Variants in GPC6 observed in about 807,000 individuals in gnomAD.
The protein encoded by GPC6 is glypican 6, also known as glypican-6.
GPC6 carries 14 observed loss-of-function variants against 55.2 expected under a neutral mutation model. The observed-to-expected ratio is 0.25, with a 90% CI of 0.17 to 0.40. The LOEUF (loss-of-function observed/expected upper bound fraction) is 0.40. GPC6 is among the 10% of genes least tolerant of loss of function. The pLI is 1.00. For synonymous variants in GPC6, 278 were observed against 259.6 expected, an observed-to-expected ratio of 1.07 and a Z score of -0.68; for missense variants, 641 against 708.5, an observed-to-expected ratio of 0.90 and a Z score of 1.08.
intron 3 of GPC6, among the ~76,000 whole-genome samples, chr13:93,912,724 C>G (rs997574350): frequency 7.2e-5 from 11 of 152,236 alleles, no homozygotes; most frequent in Admixed American, 5.2e-4. Context: ...GCCTGGGCGA[C>G]AGATAGAGAC....
chr13:93,936,333 G>T (rs991619368), intron 3 of GPC6, among the ~76,000 whole-genome samples: 2 of 152,240 alleles, frequency 1.3e-5, no homozygotes, highest in Middle Eastern at 3.4e-3. Flanking sequence ...GAAAATGCCA[G>T]TTGTGAAGTG....
intron 3 of GPC6, among the ~76,000 whole-genome samples, chr13:93,976,473 A>G (rs1055847471): frequency 5.9e-5 from 9 of 152,080 alleles, no homozygotes; most frequent in East Asian, 2.0e-4. Context: ...CAAATGACTA[A>G]AGAATTAATA....
Position 94,340,010 on chromosome 13 carries a change from G to A in GPC6, c.1152+33887G>A, listed in dbSNP as rs112505180. ...ACTCCCGATCTCAGGTGATCCACCC[G>A]CCTCACCCTCCCAAAGTGCTGGGAT... On this transcript the variant is annotated intron_variant, in intron 6 of 8. Coordinates refer to ENST00000377047, the MANE Select transcript of GPC6 (RefSeq NM_005708.5). Among the ~76,000 whole-genome samples the A allele has an allele frequency of 6.1e-3, 934 of 152,048 alleles. 9 individuals are homozygous for A. The highest frequency in any genetic ancestry group is 0.022 in the African/African-American group (892 of 41,480).
chr13:93,263,326 T>TTTG (rs542911094), intron 1 of GPC6, among the ~76,000 whole-genome samples: 49 of 152,140 alleles, frequency 3.2e-4, no homozygotes, highest in Admixed American at 1.0e-3. Flanking sequence ...CTTGGAGTTT[T>TTTG]TTGTTGTTGT....
chr13:93,280,610 A>G (rs1877918254), intron 1 of GPC6, among the ~76,000 whole-genome samples: 1 of 152,250 alleles, frequency 6.6e-6, no homozygotes, highest in Non-Finnish European at 1.5e-5. Context: ...CTAACAAGGT[A>G]TAGACCATTC....
chr13:93,551,622 GA>G (rs1412566199), intron 2 of GPC6, among the ~76,000 whole-genome samples: 1 of 152,128 alleles, frequency 6.6e-6, no homozygotes, highest in East Asian at 1.9e-4. Context: ...TAAGCCAAAG[GA>G]AATCTCATGG....
intron 2 of GPC6, among the ~76,000 whole-genome samples, chr13:93,815,168 G>GA (rs1886810213): frequency 6.6e-6 from 1 of 151,662 alleles, no homozygotes; most frequent in Non-Finnish European, 1.5e-5. Context: ...CACATCAGAG[G>GA]AAAAAAATAA....
chr13:94,191,297 C>G (rs774178628), intron 4 of GPC6, among the ~76,000 whole-genome samples: 45 of 152,242 alleles, frequency 3.0e-4, no homozygotes, highest in Non-Finnish European at 6.3e-4. Flanking sequence ...GAATATAAAT[C>G]TTCTTGGTAT....
intron 1 of GPC6, among the ~76,000 whole-genome samples, chr13:93,369,141 C>T (rs1284413387): frequency 2.0e-5 from 3 of 151,842 alleles, no homozygotes; most frequent in Non-Finnish European, 4.4e-5. Flanking sequence ...ATGGGCTCCT[C>T]GTGTAGTCTC....
intron 1 of GPC6, among the ~76,000 whole-genome samples, chr13:93,428,958 G>A (rs1166666575): frequency 6.6e-6 from 1 of 152,102 alleles, no homozygotes; most frequent in African/African-American, 2.4e-5. Context: ...GGTGGCACCA[G>A]AACTAGTCTT....
chr13:94,124,054 C>A (rs1209378596), intron 4 of GPC6, among the ~76,000 whole-genome samples: 3 of 151,992 alleles, frequency 2.0e-5, no homozygotes, highest in Non-Finnish European at 4.4e-5. Flanking sequence ...AAATTAAAAT[C>A]TTGTAAAAGC....
intron 1 of GPC6, among the ~76,000 whole-genome samples, chr13:93,316,498 A>G (rs1879253994): frequency 1.3e-5 from 2 of 152,068 alleles, no homozygotes; most frequent in Non-Finnish European, 2.9e-5. Context: ...GAATAAAGCT[A>G]TTAGGTATAA....
At chr13:93,812,084 CTGGGCTGGGT>C (rs1886708984) in intron 2 of GPC6, among the ~76,000 whole-genome samples, 1 of 134,016 alleles carries the variant, frequency 7.5e-6, no homozygotes, top group African/African-American at 2.8e-5. Flanking sequence ...AGAGGGAGAT[CTGGGCTGGGT>C]ACGTTGGCTC....
intron 2 of GPC6, among the ~76,000 whole-genome samples, chr13:93,549,755 T>C (rs888285332): frequency 2.0e-5 from 3 of 152,066 alleles, no homozygotes; most frequent in African/African-American, 7.2e-5. Flanking sequence ...GTGGAAGATT[T>C]GTTTTTAACT....
chr13:94,396,019 T>TC (rs1194994861), intron 7 of GPC6, among the ~76,000 whole-genome samples: 2 of 152,146 alleles, frequency 1.3e-5, no homozygotes. Flanking sequence ...CCTGCCCCGG[T>TC]CCCCTCCCTG....
intron 2 of GPC6, among the ~76,000 whole-genome samples, chr13:93,561,471 C>G (rs1158359403): frequency 1.4e-5 from 2 of 139,466 alleles, no homozygotes; most frequent in Non-Finnish European, 1.5e-5. Context: ...TTTCCATTTT[C>G]CCCAGGAAAC....
At chr13:93,936,841 A>T (rs374323499) in intron 3 of GPC6, among the ~76,000 whole-genome samples, 11 of 152,220 alleles carry the variant, frequency 7.2e-5, no homozygotes, top group African/African-American at 1.9e-4. Context: ...TGCTGACGAG[A>T]CTATGCTTAA....
At chr13:94,030,271 A>T (rs750226280) in intron 4 of GPC6, among the ~76,000 whole-genome samples, 3 of 151,980 alleles carry the variant, frequency 2.0e-5, no homozygotes, top group Non-Finnish European at 4.4e-5. Context: ...GGCCTCCCAA[A>T]GTGCTGGGAT....
intron 4 of GPC6, among the ~76,000 whole-genome samples, chr13:94,035,829 T>C (rs974266061): frequency 6.6e-6 from 1 of 152,056 alleles, no homozygotes; most frequent in Non-Finnish European, 1.5e-5. Flanking sequence ...TCGATTGCTC[T>C]GAAACCTCCT....
Sources: allele counts gnomAD v4.1 joint callset (sites outside exome capture counted in the v4.1 genomes callset), GRCh38; gene constraint gnomAD v4.1.1; transcripts MANE v1.5; gene names NCBI Gene and HGNC (gene_info 2026-07-23, HGNC 2026-07-21).